The following ELOA variants were observed in gnomAD, a reference collection of about 807,000 sequenced individuals.
ELOA encodes the protein elongin-A.
In ELOA, 15 loss-of-function variants were observed where a neutral mutation model predicts 85.2. The observed-to-expected ratio is 0.18, with a 90% CI of 0.12 to 0.27. The LOEUF (loss-of-function observed/expected upper bound fraction) is 0.27. Among genes scored for constraint, ELOA ranks in the 10% least tolerant of loss-of-function variants. The probability of loss-of-function intolerance (pLI) is 1.00; values close to 1 mark genes in which losing one functional copy is unlikely to be tolerated. For synonymous variants in ELOA, 348 were observed against 357.2 expected (o/e 0.97, Z 0.29); for missense variants, 769 against 952.7 (o/e 0.81, Z 2.54).
chr1:23,743,848 C>T (rs1263953454), intron 1 of ELOA, among the ~76,000 whole-genome samples: 1 of 152,178 alleles, frequency 6.6e-6, no homozygotes, highest in Non-Finnish European at 1.5e-5. Flanking sequence ...CCTAGCGCTT[C>T]CTCCCAGAGG....
In ELOA at chr1:23,750,975, T is replaced by C; in HGVS notation, c.370T>C (p.Tyr124His). ...ETWKATGSRSYSPDHRQKKHR... is the reference protein window; with the variant it reads ...ETWKATGSRSHSPDHRQKKHR... ...CTGGAAAGCCACGGGGAGCCGATCC[T>C]ATAGCCCTGACCACAGGCAGAAGAA... Residue 124 changes from tyrosine (Y) to histidine (H), a missense_variant, in exon 4 of 11, where the codon TAT (tyrosine) becomes CAT (histidine). By Grantham distance (83) the Tyr-to-His change is moderately conservative (BLOSUM62 2). Around this residue, in one of 4 missense-constraint regions of ELOA, gnomAD observed 440 missense variants for 474.0 expected, o/e 0.93. Transcript: ENST00000613537. The C allele has an allele frequency of 6.2e-7, 1 of 1,614,036 alleles. No individual in the cohort carries two copies. Among genetic ancestry groups the C allele is most frequent in the East Asian group, 2.2e-5 (1 of 44,878 alleles).
At chr1:23,755,059 G>A (rs889798707) in intron 7 of ELOA, among the ~76,000 whole-genome samples, 3 of 151,850 alleles carry the variant, frequency 2.0e-5, no homozygotes, top group Admixed American at 2.0e-4. Context: ...AAGTAGCTGG[G>A]ACTACAGGCA....
rs1212263537 is a variant in ELOA at position 23,759,531 on chromosome 1, C to T, written c.2277C>T (p.Ala759=). 6.2e-7 allele frequency: 1 copy of T among 1,614,172 alleles called. No homozygotes were observed. The highest frequency in any genetic ancestry group is 8.5e-7 in the Non-Finnish European group (1 of 1,180,032). The change falls in exon 11 of 11, where the codon GCC becomes GCT. Residue 759 remains alanine (A), a synonymous_variant. Transcript: ENST00000613537. ...PTVKKIAPMM[A]KTIKAFKNRF... ...TCACAGAAATTGCCCCAATGATGGC[C>T]AAGACAATTAAAGCTTTCAAGAACA...
chr1:23,753,969 T>C (rs1644783752), intron 5 of ELOA, 131 bp from the exon 6 acceptor site: 2 of 1,150,942 alleles, frequency 1.7e-6, no homozygotes, highest in Non-Finnish European at 2.4e-6. Context: ...TATTTTTAAA[T>C]TCTCTGGAAG....
chr1:23,755,697 T>C (rs1480636725), intron 7 of ELOA, 146 bp from the exon 8 acceptor site: 2 of 639,860 alleles, frequency 3.1e-6, no homozygotes, highest in Non-Finnish European at 5.1e-6. Flanking sequence ...TGAGAATCGC[T>C]TGAACCCAGG....
chr1:23,751,981 A>G lies in ELOA; in HGVS notation c.1376A>G (p.Lys459Arg), dbSNP rs1557454101. ...GTTCAGAAATTACCCAAGGTGAACAAAACCAAGTCAGAGAAGCCGGCTGGA... is the reference window on the plus strand; with the variant it reads ...GTTCAGAAATTACCCAAGGTGAACAGAACCAAGTCAGAGAAGCCGGCTGGA... ...DSVQKLPKVNKTKSEKPAGAD... is the reference protein window; with the variant it reads ...DSVQKLPKVNRTKSEKPAGAD... Residue 459 changes from lysine to arginine, a missense_variant, in exon 4 of 11, where the codon AAA becomes AGA. Lys to Arg is a conservative substitution (Grantham distance 26, BLOSUM62 2). Around this residue, in one of 4 missense-constraint regions of ELOA, gnomAD observed 193 missense variants for 278.9 expected, o/e 0.69. Transcript: ENST00000613537. 3.7e-6 allele frequency: 6 copies of G among 1,607,514 alleles called. No homozygotes were observed. The highest frequency in any genetic ancestry group is 5.1e-6 in the Non-Finnish European group (6 of 1,178,470).
chr1:23,759,615 A>G lies in ELOA; in HGVS notation c.*42A>G. On this transcript the variant is annotated 3_prime_UTR_variant, in exon 11 of 11. Coordinates refer to ENST00000613537, the MANE Select transcript of ELOA (RefSeq NM_003198.3). ...GGAAATGGAATCTGGGGAGGCAGGA[A>G]TACAAGGACAGTGGGGGTTGGGGAA... The G allele has an allele frequency of 6.2e-7, 1 of 1,603,614 alleles. No individual in the cohort carries two copies. Among genetic ancestry groups the G allele is most frequent in the Admixed American group, 1.7e-5 (1 of 59,988 alleles).
chr1:23,759,418 CAAG>C (rs766821285), intron 10 of ELOA, 91 bp from the exon 11 acceptor site: 3 of 1,264,634 alleles, frequency 2.4e-6, no homozygotes, highest in East Asian at 2.3e-5. Flanking sequence ...GGTGCACAGC[CAAG>C]AATAGCAGAG....
chr1:23,748,920 T>G (rs1488606343), intron 1 of ELOA, 101 bp from the exon 2 acceptor site: 3 of 884,560 alleles, frequency 3.4e-6, no homozygotes, highest in Non-Finnish European at 5.5e-6. Flanking sequence ...GGCATAATAC[T>G]TATACTCATT....
At chr1:23,752,945 A>G (rs1644779016) in intron 5 of ELOA, among the ~76,000 whole-genome samples, 1 of 151,914 alleles carries the variant, frequency 6.6e-6, no homozygotes, top group Admixed American at 6.6e-5. Context: ...CTCTATTTCA[A>G]AAAAAAGGAG....
intron 4 of ELOA, 84 bp from the exon 5 acceptor site, chr1:23,752,323 G>A (rs1644775023): frequency 1.5e-6 from 2 of 1,358,094 alleles, no homozygotes; most frequent in Non-Finnish European, 2.1e-6. Flanking sequence ...AAGATGTCCA[G>A]TTAATGCTCC....
At chr1:23,747,209 G>C (rs935226990) in intron 1 of ELOA, among the ~76,000 whole-genome samples, 1 of 152,200 alleles carries the variant, frequency 6.6e-6, no homozygotes, top group Non-Finnish European at 1.5e-5. Flanking sequence ...TGACATCACA[G>C]GAGGAGTTTT....
chr1:23,749,813 C>G, intron 2 of ELOA, 29 bp from the exon 3 acceptor site: 2 of 1,599,434 alleles, frequency 1.3e-6, no homozygotes, highest in Non-Finnish European at 1.7e-6. Context: ...GTTCCAGACC[C>G]CTCTAACAAT....
In ELOA at chr1:23,755,834, T is replaced by G; in HGVS notation, c.1792-9T>G. 1 of 1,586,544 alleles carries G rather than the reference T, an allele frequency of 6.3e-7. No individual in the cohort carries two copies. The highest frequency in any genetic ancestry group is 8.6e-7 in the Non-Finnish European group (1 of 1,169,320). The stretch of plus-strand genomic sequence containing the variant: ...TTGTACACAAATGATGTCCTGGTTC[T>G]GGTTTCAGGTATTAATTGAAGAAAC... On this transcript the variant is annotated splice_polypyrimidine_tract_variant and intron_variant, in intron 7 of 10. Transcript: ENST00000613537.
intron 4 of ELOA, 120 bp from the exon 5 acceptor site, chr1:23,752,287 C>A: frequency 2.1e-6 from 2 of 965,986 alleles, no homozygotes; most frequent in Non-Finnish European, 3.1e-6. Flanking sequence ...TGACTGTGGC[C>A]CCCTCCAACC....
chr1:23,745,638 C>T (rs920906393), intron 1 of ELOA, among the ~76,000 whole-genome samples: 2 of 151,842 alleles, frequency 1.3e-5, no homozygotes, highest in Admixed American at 6.6e-5. Context: ...TTGCAAAGGG[C>T]ATAATAGTCG....
At chr1:23,747,459 C>T (rs553170799) in intron 1 of ELOA, among the ~76,000 whole-genome samples, 4 of 152,152 alleles carry the variant, frequency 2.6e-5, no homozygotes, top group African/African-American at 7.2e-5. Flanking sequence ...AATGAGGTAA[C>T]GTGTAAGAGC....
chr1:23,758,268 T>TTTTTTTA (rs1638237017), intron 10 of ELOA, among the ~76,000 whole-genome samples: 1 of 89,504 alleles, frequency 1.1e-5, no homozygotes, highest in Admixed American at 1.1e-4. Flanking sequence ...TATTTTTTTT[T>TTTTTTTA]TTTTTTTTTT....
chr1:23,754,481 G>C, intron 7 of ELOA, 21 bp downstream of exon 7: 1 of 1,602,132 alleles, frequency 6.2e-7, no homozygotes, highest in Non-Finnish European at 8.6e-7. Flanking sequence ...TGTTTGGGTG[G>C]GAAGAGGGCA....
Sources: allele counts gnomAD v4.1 joint callset (sites outside exome capture counted in the v4.1 genomes callset), GRCh38; gene constraint gnomAD v4.1.1; regional missense constraint gnomAD v4.1.1; transcripts MANE v1.5; gene names NCBI Gene and HGNC (gene_info 2026-07-23, HGNC 2026-07-21).